The following LIN7A variants were observed in gnomAD, a reference collection of about 807,000 sequenced individuals.
LIN7A encodes lin-7 cell polarity scaffold A.
LIN7A carries 25 observed loss-of-function variants against 29.8 expected under a neutral mutation model. The ratio of observed to expected loss-of-function variants is 0.84; its 90% CI spans 0.61 to 1.17. LIN7A has a LOEUF of 1.17. LIN7A is among the 50% of genes most tolerant of loss of function. The probability of loss-of-function intolerance (pLI) is 0.00; values close to 1 mark genes in which losing one functional copy is unlikely to be tolerated. For missense variants in LIN7A, 239 were observed against 287.0 expected, an observed-to-expected ratio of 0.83 and a Z score of 1.21; for synonymous variants, 118 against 107.5, an observed-to-expected ratio of 1.10 and a Z score of -0.60.
intron 1 of LIN7A, among the ~76,000 whole-genome samples, chr12:80,891,907 A>G (rs1875646756): frequency 6.6e-6 from 1 of 152,210 alleles, no homozygotes; most frequent in South Asian, 2.1e-4. Flanking sequence ...AGCTGAAAAC[A>G]GGGTGAGAGT....
intron 1 of LIN7A, among the ~76,000 whole-genome samples, chr12:80,921,651 ATT>A (rs1877316164): frequency 6.6e-6 from 1 of 151,868 alleles, no homozygotes; most frequent in Non-Finnish European, 1.5e-5. Context: ...TGGAAACCTA[ATT>A]ACCTCCTAAA....
Position 80,930,624 on chromosome 12 carries a change from G to T in LIN7A, c.82+7017C>A, listed in dbSNP as rs375504233. Among the ~76,000 whole-genome samples the T allele has an allele frequency of 1.1e-4, 16 of 152,250 alleles. No homozygotes were observed. In the South Asian group the frequency reaches 2.9e-3, roughly 28 times the overall value. On this transcript the variant is annotated intron_variant, in intron 1 of 5. Coordinates refer to ENST00000552864, the MANE Select transcript of LIN7A (RefSeq NM_004664.4). ...TTCAGTTGTATTCTGACATTAGCTC[G>T]TGCGATTCAATTCATAAGTTAAAAC...
At position 80,797,493 on chromosome 12, in the gene LIN7A, C is replaced by T. The variant is rs1178776180; in HGVS notation, c.*234G>A. ...CTCTCCCTCTGCACACTGAGAATTC[C>T]CACTGCAGTGAATGGAAGGTCAATG... On this transcript the variant is annotated 3_prime_UTR_variant, in exon 6 of 6. Coordinates refer to ENST00000552864, the MANE Select transcript of LIN7A (RefSeq NM_004664.4). The T allele has an allele frequency of 2.0e-5, 3 of 152,552 alleles. No homozygotes were observed. Among genetic ancestry groups the T allele is most frequent in the Admixed American group, 1.3e-4 (2 of 15,266 alleles). 9.4% of individuals were successfully genotyped at this position (152,552 alleles called of 1,614,324 possible). A position where few individuals can be genotyped will look rare whatever the true frequency, so the allele number is the denominator to read the frequency against.
chr12:80,805,988 GAATCGC>G (rs1555221222), intron 5 of LIN7A, among the ~76,000 whole-genome samples: 12 of 149,856 alleles, frequency 8.0e-5, no homozygotes, highest in South Asian at 2.1e-4. Context: ...TGAGGTAGGA[GAATCGC>G]TTGAACCCAG....
intron 4 of LIN7A, among the ~76,000 whole-genome samples, chr12:80,839,809 C>T (rs539254050): frequency 2.6e-5 from 4 of 152,234 alleles, no homozygotes; most frequent in Admixed American, 1.3e-4. Context: ...TAAAAAAAGC[C>T]GATGGCAGGA....
rs1871259805 is a variant in LIN7A, at chr12:80,810,993, T to C, written c.*472A>G. 3.9e-5 allele frequency among the ~76,000 whole-genome samples: 6 copies of C among 152,090 alleles called. No individual in the cohort carries two copies. In the South Asian group the frequency reaches 1.2e-3, roughly 32 times the overall value. Reference sequence around the variant, plus strand: ...TTCAGTGGGGCACTTTTCCAATAAATTGTATCTCAGTATTCTAAAGGAGAT... The same window carrying C: ...TTCAGTGGGGCACTTTTCCAATAAACTGTATCTCAGTATTCTAAAGGAGAT... On this transcript the variant is annotated intron_variant, in intron 5 of 5. Transcript: ENST00000552864.
chr12:80,808,740 C>T (rs944631783), intron 5 of LIN7A, among the ~76,000 whole-genome samples: 1 of 152,138 alleles, frequency 6.6e-6, no homozygotes, highest in Admixed American at 6.5e-5. Flanking sequence ...CTCCCGATCT[C>T]GTGATCCACC....
Position 80,838,360 on chromosome 12 carries a change from T to C in LIN7A, c.483+7370A>G, listed in dbSNP as rs1035534617. ...TGTGAACTATAGTTACCTGTGCTAT[T>C]GAGATAGCACGATATTTCCCTGTTC... On this transcript the variant is annotated intron_variant, in intron 4 of 5. Coordinates refer to ENST00000552864, the MANE Select transcript of LIN7A (RefSeq NM_004664.4). 8.5e-5 allele frequency among the ~76,000 whole-genome samples: 13 copies of C among 152,202 alleles called. 1 individual carries two copies. The highest frequency in any genetic ancestry group is 1.6e-4 in the Non-Finnish European group (11 of 68,030).
At chr12:80,848,601 A>G (rs1390490602) in intron 2 of LIN7A, among the ~76,000 whole-genome samples, 1 of 152,082 alleles carries the variant, frequency 6.6e-6, no homozygotes, top group Non-Finnish European at 1.5e-5. Flanking sequence ...CTTTGTATCT[A>G]TGGTAAAATA....
intron 5 of LIN7A, among the ~76,000 whole-genome samples, chr12:80,802,145 G>A (rs376608853): frequency 3.9e-5 from 6 of 151,920 alleles, no homozygotes; most frequent in East Asian, 3.9e-4. Flanking sequence ...CACCCACTTC[G>A]GCCTCCCAAA....
intron 4 of LIN7A, among the ~76,000 whole-genome samples, chr12:80,840,589 A>G (rs1440583464): frequency 2.7e-5 from 4 of 147,030 alleles, no homozygotes; most frequent in Non-Finnish European, 6.0e-5. Context: ...AAAAAAAACT[A>G]TAAAGTACTA....
chr12:80,876,806 T>G (rs79005330), intron 2 of LIN7A, among the ~76,000 whole-genome samples: 153 of 152,272 alleles, frequency 1.0e-3, no homozygotes, highest in African/African-American at 3.4e-3. Context: ...GTTTGAAAAC[T>G]GTTTGACATA....
At chr12:80,858,724 C>G (rs1873725779) in intron 2 of LIN7A, among the ~76,000 whole-genome samples, 1 of 152,024 alleles carries the variant, frequency 6.6e-6, no homozygotes, top group Non-Finnish European at 1.5e-5. Flanking sequence ...TTTGGGGCTT[C>G]AAATATGCCT....
chr12:80,871,954 T>C (rs1479279751), intron 2 of LIN7A, among the ~76,000 whole-genome samples: 2 of 152,060 alleles, frequency 1.3e-5, no homozygotes, highest in African/African-American at 4.8e-5. Context: ...TAACTAAAGA[T>C]AGCATTAACT....
chr12:80,825,504 T>A (rs1046194452), intron 4 of LIN7A, among the ~76,000 whole-genome samples: 1 of 152,218 alleles, frequency 6.6e-6, no homozygotes, highest in Non-Finnish European at 1.5e-5. Flanking sequence ...AGGCCCACAC[T>A]TCAAATCGTT....
intron 4 of LIN7A, among the ~76,000 whole-genome samples, chr12:80,812,712 C>A (rs4240719): frequency 0.76 from 114,506 of 151,596 alleles, 43,640 homozygotes; most frequent in African/African-American, 0.84. Flanking sequence ...ACACCACGCC[C>A]GGCTAATTTT....
intron 1 of LIN7A, among the ~76,000 whole-genome samples, chr12:80,913,080 C>T (rs1306734103): frequency 6.6e-6 from 1 of 152,054 alleles, no homozygotes; most frequent in East Asian, 1.9e-4. Context: ...TAAAGGTGAC[C>T]ATCTGGGGAA....
intron 1 of LIN7A, among the ~76,000 whole-genome samples, chr12:80,910,089 A>G (rs1360287416): frequency 6.6e-6 from 1 of 152,124 alleles, no homozygotes; most frequent in Non-Finnish European, 1.5e-5. Context: ...CCTTCAGTAA[A>G]CAATTTTTGC....
At chr12:80,856,784 C>T (rs975808200) in intron 2 of LIN7A, among the ~76,000 whole-genome samples, 1 of 152,174 alleles carries the variant, frequency 6.6e-6, no homozygotes, top group African/African-American at 2.4e-5. Flanking sequence ...CGTATCCTGA[C>T]AAGATGTATC....
Sources: gnomAD v4.1 joint callset for allele counts (sites outside exome capture counted in the v4.1 genomes callset) on GRCh38, gnomAD v4.1.1 for gene constraint, MANE v1.5 for transcripts, NCBI Gene and HGNC (gene_info 2026-07-23, HGNC 2026-07-21) for gene names.